The following ATP11A variants were observed in gnomAD, a reference collection of about 807,000 sequenced individuals.
The protein encoded by ATP11A is phospholipid-transporting ATPase IH.
ATP11A carries 81 observed loss-of-function variants against 154.4 expected under a neutral mutation model. That is an observed-to-expected ratio of 0.52 (90% CI 0.44 to 0.63). ATP11A has a LOEUF of 0.63. Among genes scored for constraint, ATP11A ranks in the 30% least tolerant of loss-of-function variants. The probability of loss-of-function intolerance (pLI) is 0.00; values close to 1 mark genes in which losing one functional copy is unlikely to be tolerated. For synonymous variants in ATP11A, 623 were observed against 585.9 expected, an observed-to-expected ratio of 1.06 and a Z score of -0.91; for missense variants, 1,316 against 1,474.3, an observed-to-expected ratio of 0.89 and a Z score of 1.76.
chr13:112,878,485 GGCTGT>G, intron 29 of ATP11A, 182 bp downstream of exon 29: 1 of 632,072 alleles, frequency 1.6e-6, no homozygotes, highest in South Asian at 1.9e-5. Context: ...ACTGATCATG[GGCTGT>G]GCTTTCCATC....
At chr13:112,831,577 T>C (rs1413276211) in intron 13 of ATP11A, 29 bp downstream of exon 13, 1 of 1,606,100 alleles carries the variant, frequency 6.2e-7, no homozygotes, top group Non-Finnish European at 8.5e-7. Flanking sequence ...GCCGTCCAAG[T>C]GTGTGAGTGA....
intron 1 of ATP11A, among the ~76,000 whole-genome samples, chr13:112,768,522 G>T (rs922172168): frequency 2.0e-5 from 3 of 152,166 alleles, no homozygotes; most frequent in African/African-American, 7.2e-5. Flanking sequence ...TCCTGCAGTT[G>T]TCTTCATTAG....
At chr13:112,874,458 T>C (rs1427685829) in intron 27 of ATP11A, among the ~76,000 whole-genome samples, 6 of 152,098 alleles carry the variant, frequency 3.9e-5, no homozygotes, top group African/African-American at 1.4e-4. Context: ...GGGTGGTCAG[T>C]CTAGAGACTG....
chr13:112,822,785 C>CTTTTA (rs1348171932), intron 8 of ATP11A, among the ~76,000 whole-genome samples: 21 of 150,974 alleles, frequency 1.4e-4, no homozygotes, highest in African/African-American at 5.1e-4. Flanking sequence ...AGTTGAGTGA[C>CTTTTA]TTTTATTTTA....
intron 6 of ATP11A, among the ~76,000 whole-genome samples, chr13:112,816,991 T>C (rs572307551): frequency 6.6e-6 from 1 of 152,346 alleles, no homozygotes; most frequent in Non-Finnish European, 1.5e-5. Flanking sequence ...TTTGTGAATG[T>C]ATCTTAGTCA....
rs1319156457 is a variant in ATP11A, at chr13:112,884,177, G to T, written c.*2311G>T. On this transcript the variant is annotated 3_prime_UTR_variant, in exon 30 of 30. Transcript: ENST00000375645. Reference sequence around the variant, plus strand: ...TCTACACACACCTCTTCTTTTCTTGGTATTTCTGGTGGCAGTGATTAGTTG... The same window carrying T: ...TCTACACACACCTCTTCTTTTCTTGTTATTTCTGGTGGCAGTGATTAGTTG... The T allele has an allele frequency of 6.6e-6, 1 of 152,166 alleles. No individual in the cohort carries two copies. The allele number at this position is 152,166 out of a possible 1,614,324, so 9.4% of individuals were successfully genotyped here.
intron 2 of ATP11A, among the ~76,000 whole-genome samples, chr13:112,796,416 C>T (rs2077999857): frequency 1.3e-5 from 2 of 152,182 alleles, no homozygotes; most frequent in South Asian, 2.1e-4. Flanking sequence ...AAAGTAACCA[C>T]AGAGGCACTT....
In ATP11A at chr13:112,848,163, A is replaced by G. The variant is rs143053710; in HGVS notation, c.1810-2874A>G. On this transcript the variant is annotated intron_variant, in intron 17 of 29. Coordinates refer to ENST00000375645, the MANE Select transcript of ATP11A (RefSeq NM_015205.3). ...TGATAGGATTTCATTTAATCAGTAG[A>G]TCACTTTGGGTAGTGTTGTCATCTT... 1.1e-4 allele frequency among the ~76,000 whole-genome samples: 17 copies of G among 152,308 alleles called. No individual in the cohort carries two copies. In the East Asian group the frequency reaches 3.3e-3, roughly 29 times the overall value.
At chr13:112,761,925 T>C (rs1401361259) in intron 1 of ATP11A, among the ~76,000 whole-genome samples, 1 of 152,202 alleles carries the variant, frequency 6.6e-6, no homozygotes. Context: ...CAGGGACATT[T>C]TGGCCAAGCT....
intron 1 of ATP11A, among the ~76,000 whole-genome samples, chr13:112,729,548 C>T (rs895333883): frequency 6.6e-6 from 1 of 151,986 alleles, no homozygotes; most frequent in African/African-American, 2.4e-5. Context: ...ATTGCAGGCC[C>T]GGAGTGTCTT....
rs561877482 is a variant in ATP11A at position 112,724,920 on chromosome 13, C to T, written c.39+34465C>T. 4.8e-3 allele frequency among the ~76,000 whole-genome samples: 727 copies of T among 152,336 alleles called. 2 individuals carry two copies. Among genetic ancestry groups the T allele is most frequent in the Non-Finnish European group, 6.7e-3 (454 of 68,028 alleles). The stretch of plus-strand genomic sequence containing the variant: ...TCTGTTTCCAAAGGTGATCTGCCTT[C>T]CTCTGCTCCAGCCACCCCTGCGGCC... On this transcript the variant is annotated intron_variant, in intron 1 of 29. Coordinates refer to ENST00000375645, the MANE Select transcript of ATP11A (RefSeq NM_015205.3).
At chr13:112,876,076 G>GTCCTGACGGTGCATGATGTTAAAC in intron 28 of ATP11A, 135 bp downstream of exon 28, 1 of 933,542 alleles carries the variant, frequency 1.1e-6, no homozygotes, top group Non-Finnish European at 1.5e-6. Context: ...ACTAATGAGT[G>GTCCTGACGGTGCATGATGTTAAAC]TCCTGACGGT....
rs189902195 is a variant in ATP11A, at chr13:112,781,046, T to C, written c.40-4089T>C. ...TGACCCCGTCTTTTGTTTGTTTGTTTGTTCGTTTGTTTGAGACGGAGCCTC... is the reference window on the plus strand; with the variant it reads ...TGACCCCGTCTTTTGTTTGTTTGTTCGTTCGTTTGTTTGAGACGGAGCCTC... On this transcript the variant is annotated intron_variant, in intron 1 of 29. Coordinates refer to ENST00000375645, the MANE Select transcript of ATP11A (RefSeq NM_015205.3). Among the ~76,000 whole-genome samples the C allele has an allele frequency of 3.8e-3, 572 of 151,036 alleles. 3 individuals carry two copies. Among genetic ancestry groups the C allele is most frequent in the African/African-American group, 0.013 (541 of 40,400 alleles).
chr13:112,767,770 A>G (rs1288811983), intron 1 of ATP11A, among the ~76,000 whole-genome samples: 1 of 152,090 alleles, frequency 6.6e-6, no homozygotes, highest in Non-Finnish European at 1.5e-5. Context: ...AGTCTCTCAG[A>G]GCTCTAGTCT....
chr13:112,719,622 CAG>C (rs1265884554), intron 1 of ATP11A, among the ~76,000 whole-genome samples: 3 of 150,522 alleles, frequency 2.0e-5, no homozygotes, highest in African/African-American at 2.4e-5. Context: ...AGCAAGGAAA[CAG>C]AATAAGAAGC....
At chr13:112,852,015 T>C (rs2079781754) in intron 18 of ATP11A, among the ~76,000 whole-genome samples, 1 of 152,178 alleles carries the variant, frequency 6.6e-6, no homozygotes, top group East Asian at 1.9e-4. Context: ...CAATTACAGA[T>C]TTTCAGGTAC....
intron 17 of ATP11A, among the ~76,000 whole-genome samples, chr13:112,845,814 C>G (rs931074577): frequency 3.0e-5 from 4 of 134,296 alleles, no homozygotes; most frequent in Non-Finnish European, 4.9e-5. Context: ...GTGATACTAA[C>G]CAGTCCAGTT....
intron 19 of ATP11A, 91 bp from the exon 20 acceptor site, chr13:112,855,820 T>C: frequency 1.7e-6 from 2 of 1,200,544 alleles, no homozygotes; most frequent in Non-Finnish European, 2.3e-6. Context: ...CATGGATTTG[T>C]AGCATCTGTC....
In ATP11A at chr13:112,855,977, G is replaced by C; in HGVS notation, c.2310G>C (p.Lys770Asn). Residue 770 changes from lysine to asparagine, a missense_variant, in exon 20 of 30, where the codon AAG (lysine) becomes AAC (asparagine). This residue lies in a region of ATP11A where 876 missense variants were observed against 1,006.8 expected (regional missense o/e 0.87). Transcript: ENST00000375645. Reference protein sequence around the residue: ...IDGAALSLIMKPREDGSSGNY... With the variant: ...IDGAALSLIMNPREDGSSGNY... The stretch of plus-strand genomic sequence containing the variant: ...GAGCTGCACTGTCTCTGATAATGAA[G>C]CCTCGAGAAGACGGGAGTTCCGGCA... 1 of 1,614,220 alleles carries C rather than the reference G, an allele frequency of 6.2e-7. No homozygotes were observed. The highest frequency in any genetic ancestry group is 8.5e-7 in the Non-Finnish European group (1 of 1,180,034).
Sources: gnomAD v4.1 joint callset for allele counts (sites outside exome capture counted in the v4.1 genomes callset) on GRCh38, gnomAD v4.1.1 for gene constraint, gnomAD v4.1.1 regional missense constraint, MANE v1.5 for transcripts, NCBI Gene and HGNC (gene_info 2026-07-23, HGNC 2026-07-21) for gene names.